The following HSD17B12 variants were observed in gnomAD, a reference collection of about 807,000 sequenced individuals.
The protein encoded by HSD17B12 is very-long-chain 3-oxoacyl-CoA reductase.
Under a neutral mutation model 39.3 loss-of-function variants are expected in HSD17B12, and 32 were observed. The ratio of observed to expected loss-of-function variants is 0.81; its 90% CI spans 0.61 to 1.09. HSD17B12 has a LOEUF of 1.09. Ranked by LOEUF, HSD17B12 falls within the 50% of genes least tolerant of loss-of-function variation. HSD17B12 has a pLI of 0.00. For synonymous variants in HSD17B12, 150 were observed against 146.7 expected (o/e 1.02, Z -0.16); for missense variants, 342 against 382.9 (o/e 0.89, Z 0.89).
At chr11:43,714,334 C>G (rs989382165) in intron 1 of HSD17B12, among the ~76,000 whole-genome samples, 1 of 152,206 alleles carries the variant, frequency 6.6e-6, no homozygotes, top group African/African-American at 2.4e-5. Context: ...TTTCAGCTTT[C>G]TCCATATGGC....
At chr11:43,612,996 G>A in the HSD17B12 span, among the ~76,000 whole-genome samples, 1 of 152,144 alleles carries the variant, frequency 6.6e-6, no homozygotes, top group South Asian at 2.1e-4. Flanking sequence ...TAAGTATAGT[G>A]AGCTCAGAAA....
At chr11:43,683,094 G>GTT (rs1554959067) in intron 1 of HSD17B12, among the ~76,000 whole-genome samples, 15 of 80,990 alleles carry the variant, frequency 1.9e-4, no homozygotes, top group East Asian at 1.1e-3. Flanking sequence ...GCCTGGATGT[G>GTT]TTTTTTTTTG....
At chr11:43,656,324 A>C in the HSD17B12 span, among the ~76,000 whole-genome samples, 11 of 151,728 alleles carry the variant, frequency 7.2e-5, no homozygotes, top group South Asian at 2.3e-3. Flanking sequence ...GCGGTCTATC[A>C]ATTTTGTTGA....
intron 6 of HSD17B12, among the ~76,000 whole-genome samples, chr11:43,821,359 ACT>A (rs1219461999): frequency 6.6e-6 from 1 of 152,068 alleles, no homozygotes; most frequent in African/African-American, 2.4e-5. Context: ...TGATATAGAA[ACT>A]CTATATGTAG....
the HSD17B12 span, among the ~76,000 whole-genome samples, chr11:43,603,628 A>C: frequency 6.6e-6 from 1 of 152,204 alleles, no homozygotes; most frequent in Non-Finnish European, 1.5e-5. Context: ...ATTTGGAATA[A>C]TTATTAATTT....
chr11:43,674,864 G>T, the HSD17B12 span, among the ~76,000 whole-genome samples: 1 of 152,128 alleles, frequency 6.6e-6, no homozygotes, highest in Non-Finnish European at 1.5e-5. Flanking sequence ...GCGTTTCAAG[G>T]CTGTTTCTTT....
At chr11:43,733,635 C>A in intron 1 of HSD17B12, 1 of 401,320 alleles carries the variant, frequency 2.5e-6, no homozygotes, top group Non-Finnish European at 4.7e-6. Context: ...AATTTCTGTC[C>A]CTTTCCTGAT....
intron 1 of HSD17B12, among the ~76,000 whole-genome samples, chr11:43,701,463 T>C (rs1262378923): frequency 1.3e-5 from 2 of 152,366 alleles, no homozygotes; most frequent in African/African-American, 4.8e-5. Context: ...GTTTCATAGT[T>C]TGAGGTCTTA....
the HSD17B12 span, among the ~76,000 whole-genome samples, chr11:43,663,566 G>T: frequency 2.4e-4 from 36 of 152,248 alleles, no homozygotes; most frequent in African/African-American, 8.7e-4. Context: ...TCAATTTTTT[G>T]AAAGTAAGGC....
the HSD17B12 span, among the ~76,000 whole-genome samples, chr11:43,669,102 T>C: frequency 2.6e-5 from 2 of 76,418 alleles, no homozygotes; most frequent in South Asian, 5.1e-4. Context: ...AGAAACATGA[T>C]GCTGAGTTAA....
intron 1 of HSD17B12, among the ~76,000 whole-genome samples, chr11:43,703,728 A>G (rs961223815): frequency 2.6e-5 from 4 of 152,030 alleles, no homozygotes; most frequent in Admixed American, 1.3e-4. Context: ...GTAGCCACTT[A>G]TGATTCTTAG....
the HSD17B12 span, among the ~76,000 whole-genome samples, chr11:43,616,022 A>C: frequency 6.6e-6 from 1 of 152,184 alleles, no homozygotes; most frequent in African/African-American, 2.4e-5. Context: ...GCGAGAGTGT[A>C]AAAAAATGAA....
intron 1 of HSD17B12, among the ~76,000 whole-genome samples, chr11:43,734,727 C>T (rs1293532766): frequency 1.3e-5 from 2 of 152,118 alleles, no homozygotes; most frequent in Non-Finnish European, 2.9e-5. Context: ...GAAACCCCAT[C>T]CCCCCAAAAA....
At chr11:43,645,963 AGAGT>A in the HSD17B12 span, 1 of 148,554 alleles carries the variant, frequency 6.7e-6, no homozygotes, top group South Asian at 2.2e-4. Flanking sequence ...CCTGGGCAAC[AGAGT>A]GAGACCCTGT....
chr11:43,563,625 A>G, the HSD17B12 span, among the ~76,000 whole-genome samples: 143,889 of 152,224 alleles, frequency 0.95, 68,527 homozygotes, highest in East Asian at 1. Context: ...GACCAGCCTG[A>G]GCAACAAGGC....
upstream of HSD17B12, chr11:43,680,629 G>T: frequency 1.7e-6 from 1 of 598,484 alleles, no homozygotes. Flanking sequence ...GTCAGCTAAT[G>T]GCTGACGCAC....
rs1949737007 is a variant in HSD17B12, at chr11:43,680,908, G to T, written c.81G>T (p.Ser27=). 1 of 1,613,708 alleles carries T rather than the reference G, an allele frequency of 6.2e-7. No individual in the cohort carries two copies. Among genetic ancestry groups the T allele is most frequent in the African/African-American group, 1.3e-5 (1 of 74,868 alleles). The change falls in exon 1 of 11, where the codon TCG becomes TCT. Residue 27 remains serine, a synonymous_variant. Transcript: ENST00000278353. ...TGGCCTACCTAGCCCTGCGTATTTC[G>T]TACTCGCTCTTCACGGCCCTCCGGG... ...GTVAYLALRI[S]YSLFTALRVW...
chr11:43,697,180 A>G (rs1949920225), intron 1 of HSD17B12, among the ~76,000 whole-genome samples: 1 of 152,202 alleles, frequency 6.6e-6, no homozygotes, highest in South Asian at 2.1e-4. Context: ...TTGAAATAAA[A>G]CAAACAAACA....
the HSD17B12 span, among the ~76,000 whole-genome samples, chr11:43,587,463 A>T: frequency 6.6e-6 from 1 of 152,208 alleles, no homozygotes; most frequent in Non-Finnish European, 1.5e-5. Flanking sequence ...TGCATGGTCA[A>T]ATCTTGGTTT....
Sources: gnomAD v4.1 joint callset for allele counts (sites outside exome capture counted in the v4.1 genomes callset) on GRCh38, gnomAD v4.1.1 for gene constraint, MANE v1.5 for transcripts, NCBI Gene and HGNC (gene_info 2026-07-23, HGNC 2026-07-21) for gene names.